The following FASTKD5 variants were observed in gnomAD, a reference collection of about 807,000 sequenced individuals.
FASTKD5 encodes FAST kinase domains 5.
A neutral mutation model predicts 44.0 loss-of-function variants in FASTKD5; 30 were observed. The observed-to-expected ratio is 0.68, with a 90% CI of 0.51 to 0.93. FASTKD5 has a LOEUF of 0.93. Ranked by LOEUF, FASTKD5 falls within the 40% of genes least tolerant of loss-of-function variation. The pLI is 0.00. For synonymous variants in FASTKD5, 335 were observed against 342.2 expected, an observed-to-expected ratio of 0.98 and a Z score of 0.23; for missense variants, 868 against 908.2, an observed-to-expected ratio of 0.96 and a Z score of 0.57.
intron 1 of FASTKD5, among the ~76,000 whole-genome samples, chr20:3,156,156 T>TCAATTAA (rs992151833): frequency 3.1e-4 from 47 of 150,110 alleles, no homozygotes; most frequent in African/African-American, 1.1e-3. Flanking sequence ...AGATGCTCAG[T>TCAATTAA]CAATTAACTT....
At chr20:3,152,903 CAAA>C in intron 1 of FASTKD5, among the ~76,000 whole-genome samples, 1 of 118,010 alleles carries the variant, frequency 8.5e-6, no homozygotes. Context: ...AAGACTGTCT[CAAA>C]AAAAAAAAAA....
chr20:3,159,059 T>G (rs554675352), intron 1 of FASTKD5, among the ~76,000 whole-genome samples: 21 of 152,272 alleles, frequency 1.4e-4, no homozygotes, highest in Non-Finnish European at 2.6e-4. Flanking sequence ...ACAGCTGATA[T>G]GAGGGGACCC....
intron 1 of FASTKD5, among the ~76,000 whole-genome samples, chr20:3,155,162 G>A (rs1460850294): frequency 6.6e-6 from 1 of 152,142 alleles, no homozygotes; most frequent in African/African-American, 2.4e-5. Flanking sequence ...GGGAAGCTGA[G>A]GTGGGCGGAT....
chr20:3,146,693 C>T lies in FASTKD5; in HGVS notation c.*83G>A. 3 of 1,476,402 alleles carry T rather than the reference C, an allele frequency of 2.0e-6. No individual in the cohort carries two copies. Among genetic ancestry groups the T allele is most frequent in the Non-Finnish European group, 2.7e-6 (3 of 1,095,376 alleles). 91.5% of individuals were successfully genotyped at this position (1,476,402 alleles called of 1,614,324 possible). A position where few individuals can be genotyped will look rare whatever the true frequency, so the allele number is the denominator to read the frequency against. ...ACACACTATTTTATCGCCAAACTTA[C>T]ATTCTGGCTTTTATAATCATTTTGC... On this transcript the variant is annotated 3_prime_UTR_variant, in exon 2 of 2. Coordinates refer to ENST00000380266, the MANE Select transcript of FASTKD5 (RefSeq NM_021826.5).
At chr20:3,153,570 A>T (rs918942773) in intron 1 of FASTKD5, among the ~76,000 whole-genome samples, 4 of 152,206 alleles carry the variant, frequency 2.6e-5, no homozygotes, top group Admixed American at 2.6e-4. Flanking sequence ...TGTACTAGAG[A>T]GACAAGAATG....
intron 1 of FASTKD5, chr20:3,151,594 C>T (rs988439902): frequency 6.6e-6 from 1 of 150,390 alleles, no homozygotes; most frequent in African/African-American, 2.5e-5. Context: ...TTGAGACCAG[C>T]CTGAACAACA....
intron 1 of FASTKD5, among the ~76,000 whole-genome samples, chr20:3,151,399 GA>G (rs2066623107): frequency 6.6e-6 from 1 of 152,228 alleles, no homozygotes; most frequent in African/African-American, 2.4e-5. Context: ...AACTGTGGCA[GA>G]TTGTATGGCC....
intron 1 of FASTKD5, among the ~76,000 whole-genome samples, chr20:3,157,707 A>G (rs2066700928): frequency 6.6e-6 from 1 of 152,222 alleles, no homozygotes; most frequent in Non-Finnish European, 1.5e-5. Context: ...GAATTACAAA[A>G]TCCAGGCAGG....
intron 1 of FASTKD5, among the ~76,000 whole-genome samples, chr20:3,159,071 A>G (rs79818747): frequency 0.076 from 11,605 of 152,214 alleles, 1,433 homozygotes; most frequent in African/African-American, 0.26. Flanking sequence ...AGGGGACCCA[A>G]AGTTCCCTGA....
Position 3,146,599 on chromosome 20 carries a change from C to T in FASTKD5, c.*177G>A. The T allele has an allele frequency of 4.5e-6, 3 of 667,020 alleles. No homozygotes were observed. The highest frequency in any genetic ancestry group is 7.6e-6 in the Non-Finnish European group (3 of 393,070). 41.3% of individuals were successfully genotyped at this position (667,020 alleles called of 1,614,324 possible). ...TACATTTGCAGTAATTTGTACAATCCAACTACATTACAATTCACAGTAACA... is the reference window on the plus strand; with the variant it reads ...TACATTTGCAGTAATTTGTACAATCTAACTACATTACAATTCACAGTAACA... On this transcript the variant is annotated 3_prime_UTR_variant, in exon 2 of 2. Coordinates refer to ENST00000380266, the MANE Select transcript of FASTKD5 (RefSeq NM_021826.5).
Position 3,149,180 on chromosome 20 carries a change from C to CCAGG in FASTKD5, c.-111_-110insCCTG. On this transcript the variant is annotated 5_prime_UTR_variant, in exon 2 of 2. An upstream open reading frame in the 5' UTR gains an earlier in-frame stop. Transcript: ENST00000380266. This position sits in a 1 kb window ranked among gnomAD's most constrained non-coding sequence, Gnocchi z 4.1. Reference sequence around the variant, plus strand: ...GATTAGAGCTGGACGGGGAGGTGTTCCACAAAAACTGCCTGGAAATCTTCA... The same window carrying CCAGG: ...GATTAGAGCTGGACGGGGAGGTGTTCCAGGCACAAAAACTGCCTGGAAATCTTCA... 1.6e-6 allele frequency: 2 copies of CCAGG among 1,218,308 alleles called. No individual in the cohort carries two copies. Among genetic ancestry groups the CCAGG allele is most frequent in the Non-Finnish European group, 2.3e-6 (2 of 879,588 alleles). The allele number at this position is 1,218,308 out of a possible 1,614,324, so 75.5% of individuals were successfully genotyped here. A position where few individuals can be genotyped will look rare whatever the true frequency, so the allele number is the denominator to read the frequency against.
intron 1 of FASTKD5, chr20:3,156,718 C>T (rs2066690185): frequency 6.6e-6 from 1 of 152,142 alleles, no homozygotes; most frequent in Non-Finnish European, 1.5e-5. Context: ...TGAGCAGAGC[C>T]GAATAGCTTC....
Position 3,146,545 on chromosome 20 carries a change from T to G in FASTKD5, c.*231A>C. ...TACTTGACCGTAGGACATATTAAGA[T>G]GTTTATTATTTACTAAGAGTAACAT... On this transcript the variant is annotated 3_prime_UTR_variant, in exon 2 of 2. Transcript: ENST00000380266. The G allele has an allele frequency of 2.0e-6, 1 of 488,808 alleles. No homozygotes were observed. Among genetic ancestry groups the G allele is most frequent in the Non-Finnish European group, 3.6e-6 (1 of 279,712 alleles). 30.3% of individuals were successfully genotyped at this position (488,808 alleles called of 1,614,324 possible). A position where few individuals can be genotyped will look rare whatever the true frequency, so the allele number is the denominator to read the frequency against.
chr20:3,151,514 A>G (rs2066624615), intron 1 of FASTKD5, among the ~76,000 whole-genome samples: 1 of 152,190 alleles, frequency 6.6e-6, no homozygotes, highest in African/African-American at 2.4e-5. Flanking sequence ...AAAATTAGAA[A>G]AACTTGGCCA....
In FASTKD5 at chr20:3,150,326, G is replaced by A. The variant is rs181964908; in HGVS notation, c.-190-1066C>T. Among the ~76,000 whole-genome samples, 628 of 152,276 alleles carry A rather than the reference G, an allele frequency of 4.1e-3. 15 individuals are homozygous for A. The highest frequency in any genetic ancestry group is 1.5e-3 in the Non-Finnish European group (100 of 68,028). On this transcript the variant is annotated intron_variant, in intron 1 of 1. Coordinates refer to ENST00000380266, the MANE Select transcript of FASTKD5 (RefSeq NM_021826.5). ...GAAGCAAAGAGTACCCCAAAGCTGG[G>A]CTCAGGGTTCAGGGAACGCCAATTG... is the stretch of plus-strand genomic sequence containing the variant.
At chr20:3,155,486 G>A (rs1006104404) in intron 1 of FASTKD5, among the ~76,000 whole-genome samples, 5 of 151,998 alleles carry the variant, frequency 3.3e-5, no homozygotes, top group Non-Finnish European at 5.9e-5. Flanking sequence ...AGGCGAGGTC[G>A]CACCACTGCA....
intron 1 of FASTKD5, among the ~76,000 whole-genome samples, chr20:3,158,464 AT>A (rs140449510): frequency 0.02 from 2,983 of 151,590 alleles, 113 homozygotes; most frequent in African/African-American, 0.069. Context: ...TTATTTACTT[AT>A]TTATTTATTT....
intron 1 of FASTKD5, among the ~76,000 whole-genome samples, chr20:3,158,563 TC>T (rs1405772087): frequency 6.6e-6 from 1 of 152,140 alleles, no homozygotes; most frequent in Non-Finnish European, 1.5e-5. Context: ...ACACTCCGCC[TC>T]CCGGGGTTCA....
At position 3,147,091 on chromosome 20, in the gene FASTKD5, C is replaced by CT; in HGVS notation, c.1979dup (p.Ala661GlyfsTer15). 6.2e-7 allele frequency: 1 copy of CT among 1,614,122 alleles called. No individual in the cohort carries two copies. Among genetic ancestry groups the CT allele is most frequent in the Non-Finnish European group, 8.5e-7 (1 of 1,180,052 alleles). ...GGAAGCCCCCCAGAGGTACAGCTGC[C>CT]TTATTCTCCAACTCCATGGGCTGCT... On this transcript the variant is annotated frameshift_variant, in exon 2 of 2. Coordinates refer to ENST00000380266, the MANE Select transcript of FASTKD5 (RefSeq NM_021826.5). LOFTEE classifies it high-confidence loss of function.
Sources: allele counts gnomAD v4.1 joint callset (sites outside exome capture counted in the v4.1 genomes callset), GRCh38; gene constraint gnomAD v4.1.1; non-coding constraint Gnocchi (gnomAD v3.1); transcripts MANE v1.5; gene names NCBI Gene and HGNC (gene_info 2026-07-23, HGNC 2026-07-21).